Variants in MAST3 observed in about 807,000 individuals in gnomAD.
MAST3 encodes microtubule-associated serine/threonine-protein kinase 3.
Under a neutral mutation model 127.0 loss-of-function variants are expected in MAST3, and 43 were observed. That is an observed-to-expected ratio of 0.34 (90% CI 0.27 to 0.44). The LOEUF (loss-of-function observed/expected upper bound fraction) is 0.44. Among genes scored for constraint, MAST3 ranks in the 20% least tolerant of loss-of-function variants. MAST3 has a pLI of 1.00. For synonymous variants in MAST3, 785 were observed against 809.2 expected (o/e 0.97, Z 0.51); for missense variants, 1,390 against 1,919.1 (o/e 0.72, Z 5.15).
At chr19:18,104,365 G>A (rs1025179780) in intron 1 of MAST3, among the ~76,000 whole-genome samples, 1 of 151,932 alleles carries the variant, frequency 6.6e-6, no homozygotes, top group East Asian at 1.9e-4. Flanking sequence ...ACCTTCGAGG[G>A]GTAGATTATT....
intron 11 of MAST3, among the ~76,000 whole-genome samples, 162 bp downstream of exon 11, chr19:18,124,936 C>CCCA (rs953022356): frequency 1.5e-5 from 2 of 137,326 alleles, no homozygotes; most frequent in Non-Finnish European, 1.6e-5. Flanking sequence ...TGGAAACCCC[C>CCCA]CCCCTACTAA....
Position 18,112,320 on chromosome 19 carries a change from C to T in MAST3, c.161+1579C>T, listed in dbSNP as rs1017496688. On this transcript the variant is annotated intron_variant, in intron 3 of 27. Transcript: ENST00000687212. The surrounding 1 kb of genome is among the most constrained non-coding windows in gnomAD (Gnocchi z 4.1). ...GAGACTACAGGCGTGCCACCACGCC[C>T]GGCTAATTTTTTGTTTGTTTGTTTG... Among the ~76,000 whole-genome samples, 8 of 152,084 alleles carry T rather than the reference C, an allele frequency of 5.3e-5. No individual in the cohort carries two copies. The highest frequency in any genetic ancestry group is 4.2e-4 in the South Asian group (2 of 4,818).
rs542931369 is a variant in MAST3, at chr19:18,148,038, A to G, written c.3508+414A>G. Among the ~76,000 whole-genome samples, 10 of 152,172 alleles carry G rather than the reference A, an allele frequency of 6.6e-5. No homozygotes were observed. The South Asian group carries it at 2.1e-3, about 32-fold the overall frequency. ...GGTGTGAGGCCGGGCATGGAGGCTCACACCTGTAATCCCAGCACTTTGGGA... is the reference window on the plus strand; with the variant it reads ...GGTGTGAGGCCGGGCATGGAGGCTCGCACCTGTAATCCCAGCACTTTGGGA... On this transcript the variant is annotated intron_variant, in intron 27 of 27. Transcript: ENST00000687212.
At chr19:18,097,899 CG>C in intron 1 of MAST3, 68 bp downstream of exon 1, 1 of 1,158,276 alleles carries the variant, frequency 8.6e-7, no homozygotes, top group Non-Finnish European at 1.1e-6. Context: ...TGAAAGGTGC[CG>C]GGAGGGGCGG....
chr19:18,114,805 CT>C (rs1015157726), intron 3 of MAST3, among the ~76,000 whole-genome samples: 3 of 152,148 alleles, frequency 2.0e-5, no homozygotes, highest in African/African-American at 7.2e-5. Context: ...AGACACTTTC[CT>C]TCTGGAGCCT....
rs1471458310 is a variant in MAST3, at chr19:18,123,615, T to C, written c.593T>C (p.Ile198Thr). 2 of 1,595,378 alleles carry C rather than the reference T, an allele frequency of 1.3e-6. No homozygotes were observed. Among genetic ancestry groups the C allele is most frequent in the Non-Finnish European group, 1.7e-6 (2 of 1,171,314 alleles). Reference sequence around the variant, plus strand: ...GCAACGGGGACCTTCGACAATGAGATTGTCATGATGAATCACGTGTACCGG... The same window carrying C: ...GCAACGGGGACCTTCGACAATGAGACTGTCATGATGAATCACGTGTACCGG... ...GRATGTFDNEIVMMNHVYRER... is the reference protein window; with the variant it reads ...GRATGTFDNETVMMNHVYRER... Residue 198 changes from isoleucine to threonine, a missense_variant, in exon 8 of 28, where the codon ATT becomes ACT. Ile to Thr is a moderately conservative substitution (Grantham distance 89). Coordinates refer to ENST00000687212, the MANE Select transcript of MAST3 (RefSeq NM_001393504.1).
intron 6 of MAST3, 101 bp downstream of exon 6, chr19:18,122,852 C>A: frequency 1.6e-6 from 2 of 1,244,330 alleles, no homozygotes; most frequent in Non-Finnish European, 2.3e-6. Context: ...GTTGTGCAGT[C>A]AGCAAACATA....
Position 18,147,428 on chromosome 19 carries a change from G to T in MAST3, c.3327-15G>T. ...AGGAGCAGGGGTTCTGAAGCCTCCG[G>T]TTTTCTTACCCCAGGCGGAAGTCAC... On this transcript the variant is annotated splice_polypyrimidine_tract_variant and intron_variant, in intron 26 of 27. Transcript: ENST00000687212. 2 of 1,612,704 alleles carry T rather than the reference G, an allele frequency of 1.2e-6. No homozygotes were observed. Among genetic ancestry groups the T allele is most frequent in the Non-Finnish European group, 1.7e-6 (2 of 1,179,382 alleles).
intron 1 of MAST3, among the ~76,000 whole-genome samples, chr19:18,102,020 A>G (rs2037674620): frequency 6.6e-6 from 1 of 150,426 alleles, no homozygotes; most frequent in Admixed American, 6.7e-5. Flanking sequence ...AGCTGGGACT[A>G]CAGGCTCCTG....
chr19:18,131,488 C>G lies in MAST3; in HGVS notation c.1433-421C>G, dbSNP rs192571321. Among the ~76,000 whole-genome samples the G allele has an allele frequency of 8.6e-4, 120 of 140,338 alleles. 28 individuals are homozygous for G. In the Middle Eastern group the frequency reaches 0.022, roughly 26 times the overall value. 92.1% of individuals were successfully genotyped at this position (140,338 alleles called of 152,430 possible). ...GGCCAAGGCTGGTGGATCACGAGGT[C>G]AAGAGATCGAGACCATCCTGACCAA... On this transcript the variant is annotated intron_variant, in intron 14 of 27. Coordinates refer to ENST00000687212, the MANE Select transcript of MAST3 (RefSeq NM_001393504.1).
intron 3 of MAST3, among the ~76,000 whole-genome samples, chr19:18,114,988 T>C (rs1028615569): frequency 1.3e-5 from 2 of 152,110 alleles, no homozygotes; most frequent in African/African-American, 4.8e-5. Flanking sequence ...GACTTTGGCA[T>C]TTACAGTCAC....
At chr19:18,098,007 G>C (rs766787767) in intron 1 of MAST3, among the ~76,000 whole-genome samples, 176 bp downstream of exon 1, 3 of 152,138 alleles carry the variant, frequency 2.0e-5, no homozygotes, top group African/African-American at 7.2e-5. Flanking sequence ...TTTTCTCATG[G>C]TGGGAAGGGG....
chr19:18,109,919 G>C (rs548072615), intron 2 of MAST3: 3 of 983,720 alleles, frequency 3.0e-6, no homozygotes, highest in Admixed American at 6.1e-5. Context: ...AGGCCGGGCC[G>C]GGGCGGGGAG....
At chr19:18,123,771 T>C (rs1322802775) in intron 8 of MAST3, 116 bp downstream of exon 8, 10 of 1,111,378 alleles carry the variant, frequency 9.0e-6, no homozygotes, top group Non-Finnish European at 1.1e-5. Flanking sequence ...ATTTCTGTCT[T>C]TCCTTCCCCT....
At chr19:18,123,148 TG>T (rs1181171318) in intron 6 of MAST3, 68 bp from the exon 7 acceptor site, 3 of 1,541,534 alleles carry the variant, frequency 1.9e-6, no homozygotes, top group Non-Finnish European at 2.7e-6. Context: ...CCTTGAGGGG[TG>T]GTGCTGGGTT....
intron 1 of MAST3, among the ~76,000 whole-genome samples, chr19:18,101,493 G>A (rs1002927575): frequency 2.5e-4 from 38 of 152,216 alleles, no homozygotes; most frequent in African/African-American, 7.2e-4. Context: ...AGCAGGCTGA[G>A]TCTCACCTCC....
chr19:18,112,554 C>G lies in MAST3; in HGVS notation c.161+1813C>G, dbSNP rs1218119202. 1.3e-5 allele frequency among the ~76,000 whole-genome samples: 2 copies of G among 152,150 alleles called. No individual in the cohort carries two copies. Among genetic ancestry groups the G allele is most frequent in the Admixed American group, 1.3e-4 (2 of 15,264 alleles). On this transcript the variant is annotated intron_variant, in intron 3 of 27. Coordinates refer to ENST00000687212, the MANE Select transcript of MAST3 (RefSeq NM_001393504.1). The surrounding 1 kb of genome is among the most constrained non-coding windows in gnomAD (Gnocchi z 4.1). Reference sequence around the variant, plus strand: ...TTCACCATGTTAGCTAGGCTGGTCTCGAGCTCCCGACCTCAAGTGATTCTC... The same window carrying G: ...TTCACCATGTTAGCTAGGCTGGTCTGGAGCTCCCGACCTCAAGTGATTCTC...
rs754411020 is a variant in MAST3 at position 18,128,964 on chromosome 19, G to A, written c.1223+13G>A. ...ACGGAGCCTATGGGTGAGTCCCTGA[G>A]TCCTGCATAGACCCATTTCACAGAT... On this transcript the variant is annotated intron_variant, in intron 13 of 27. Coordinates refer to ENST00000687212, the MANE Select transcript of MAST3 (RefSeq NM_001393504.1). 134 of 1,611,670 alleles carry A rather than the reference G, an allele frequency of 8.3e-5. No homozygotes were observed. The highest frequency in any genetic ancestry group is 1.1e-4 in the Non-Finnish European group (124 of 1,178,008).
At chr19:18,098,652 G>T (rs1416350475) in intron 1 of MAST3, 2 of 453,514 alleles carry the variant, frequency 4.4e-6, no homozygotes, top group African/African-American at 4.0e-5. Flanking sequence ...TATAAGAAAA[G>T]AAAAACAGGA....
Sources: gnomAD v4.1 joint callset for allele counts (sites outside exome capture counted in the v4.1 genomes callset) on GRCh38, gnomAD v4.1.1 for gene constraint, Gnocchi (gnomAD v3.1) non-coding constraint, MANE v1.5 for transcripts, NCBI Gene and HGNC (gene_info 2026-07-23, HGNC 2026-07-21) for gene names.